The following LRIF1 variants were observed in gnomAD, a reference collection of about 807,000 sequenced individuals.
The protein encoded by LRIF1 is ligand dependent nuclear receptor interacting factor 1.
Under a neutral mutation model 52.7 loss-of-function variants are expected in LRIF1, and 32 were observed. The observed-to-expected ratio is 0.61, with a 90% confidence interval of 0.46 to 0.82. LRIF1 has a LOEUF of 0.82. LRIF1 is among the 40% of genes least tolerant of loss of function. The pLI is 0.00. For synonymous variants in LRIF1, 323 were observed against 317.4 expected (o/e 1.02, Z -0.19); for missense variants, 887 against 892.0 (o/e 0.99, Z 0.07).
the LRIF1 span, chr1:110,892,994 A>C: frequency 5.9e-6 from 1 of 170,734 alleles, no homozygotes; most frequent in Non-Finnish European, 1.3e-5. Flanking sequence ...TGCACAAGAT[A>C]CTCCGTAGAG....
chr1:110,901,496 T>TTA, the LRIF1 span, among the ~76,000 whole-genome samples: 2 of 141,868 alleles, frequency 1.4e-5, no homozygotes, highest in Non-Finnish European at 3.1e-5. Context: ...TTTTTTTTTT[T>TTA]AGACGGAGTC....
downstream of LRIF1, among the ~76,000 whole-genome samples, chr1:110,946,958 G>C (rs1388530543): frequency 5.9e-5 from 9 of 152,044 alleles, no homozygotes; most frequent in Non-Finnish European, 1.2e-4. Flanking sequence ...CACCCGGCCT[G>C]ATCATTTTTT....
chr1:110,898,104 G>A, the LRIF1 span, among the ~76,000 whole-genome samples: 429 of 152,240 alleles, frequency 2.8e-3, 2 homozygotes, highest in African/African-American at 9.9e-3. Context: ...TTGGCCGGGC[G>A]TGGTGGCTCA....
chr1:110,897,220 A>G, the LRIF1 span, among the ~76,000 whole-genome samples: 3 of 152,206 alleles, frequency 2.0e-5, no homozygotes, highest in Non-Finnish European at 2.9e-5. Context: ...AACCTGTCCA[A>G]TTAATTTGGA....
downstream of LRIF1, among the ~76,000 whole-genome samples, chr1:110,946,651 CTTTTTTTTTTTTT>C (rs1197301792): frequency 1.2e-5 from 1 of 80,858 alleles, no homozygotes; most frequent in Non-Finnish European, 2.3e-5. Context: ...AGATTTGATC[CTTTTTTTTTTTTT>C]TTTTTTTTTT....
At chr1:110,913,456 A>C in the LRIF1 span, among the ~76,000 whole-genome samples, 1 of 152,262 alleles carries the variant, frequency 6.6e-6, no homozygotes, top group African/African-American at 2.4e-5. Context: ...TAAATTAACA[A>C]GGAGAAAACA....
chr1:110,919,991 A>G, the LRIF1 span, among the ~76,000 whole-genome samples: 1 of 152,238 alleles, frequency 6.6e-6, no homozygotes, highest in Non-Finnish European at 1.5e-5. Context: ...AAACTAAGAC[A>G]ATGAGATATA....
the LRIF1 span, among the ~76,000 whole-genome samples, chr1:110,920,820 G>A: frequency 5.8e-3 from 882 of 152,280 alleles, 12 homozygotes; most frequent in African/African-American, 0.02. Flanking sequence ...TTTCCACTCC[G>A]TTTTGCTGTG....
the LRIF1 span, chr1:110,894,197 A>T: frequency 5.4e-6 from 4 of 738,662 alleles, no homozygotes; most frequent in Admixed American, 8.7e-5. Flanking sequence ...AAGAAGGCTT[A>T]CAACGGCCTG....
downstream of LRIF1, among the ~76,000 whole-genome samples, chr1:110,946,861 T>G (rs1356118042): frequency 6.6e-6 from 1 of 152,144 alleles, no homozygotes; most frequent in African/African-American, 2.4e-5. Flanking sequence ...TTCGCCATGT[T>G]GGCCAGGCTT....
chr1:110,959,736 CAAAAAAA>C (rs11320169), intron 1 of LRIF1, among the ~76,000 whole-genome samples: 2 of 56,350 alleles, frequency 3.5e-5, no homozygotes, highest in African/African-American at 8.1e-5. Context: ...GACTCCATCT[CAAAAAAA>C]AAAAAAAAAA....
At chr1:110,927,747 GA>G in the LRIF1 span, among the ~76,000 whole-genome samples, 1 of 152,060 alleles carries the variant, frequency 6.6e-6, no homozygotes, top group Non-Finnish European at 1.5e-5. Flanking sequence ...ACCCTAACTA[GA>G]AATATACAAA....
intron 2 of LRIF1, 83 bp downstream of exon 2, chr1:110,951,205 T>C: frequency 2.7e-6 from 3 of 1,103,824 alleles, no homozygotes; most frequent in South Asian, 3.2e-5. Flanking sequence ...GGGAAAGAGG[T>C]ATCATAGATA....
At chr1:110,904,732 C>A in the LRIF1 span, among the ~76,000 whole-genome samples, 2 of 152,094 alleles carry the variant, frequency 1.3e-5, no homozygotes, top group Non-Finnish European at 2.9e-5. Flanking sequence ...TGCTCGGACA[C>A]TAAAGGACAT....
At position 110,960,942 on chromosome 1, in the gene LRIF1, C is replaced by A. The variant is rs139020585; in HGVS notation, c.68+2679G>T. Among the ~76,000 whole-genome samples, 203 of 152,290 alleles carry A rather than the reference C, an allele frequency of 1.3e-3. 1 individual carries two copies. The highest frequency in any genetic ancestry group is 6.8e-3 in the Middle Eastern group (2 of 294). On this transcript the variant is annotated intron_variant, in intron 1 of 3. Coordinates refer to ENST00000369763, the MANE Select transcript of LRIF1 (RefSeq NM_018372.4). ...CAGTCTTTTTCTTAAAATACTCTGA[C>A]CTATTTCCAATAGATGAAGTCTAAT...
chr1:110,909,413 C>T, the LRIF1 span, among the ~76,000 whole-genome samples: 5 of 152,098 alleles, frequency 3.3e-5, no homozygotes, highest in African/African-American at 1.2e-4. Context: ...AAACACCCCA[C>T]TTAAAAGGCA....
At chr1:110,892,133 G>A in the LRIF1 span, among the ~76,000 whole-genome samples, 3 of 152,202 alleles carry the variant, frequency 2.0e-5, no homozygotes, top group East Asian at 5.8e-4. Flanking sequence ...TCTGGAGATG[G>A]GTAGGAAGAG....
chr1:110,961,674 T>C (rs1185599514), intron 1 of LRIF1, among the ~76,000 whole-genome samples: 4 of 152,116 alleles, frequency 2.6e-5, no homozygotes, highest in Non-Finnish European at 5.9e-5. Context: ...AAGAAAATCA[T>C]AGTCATTTAA....
At chr1:110,896,028 C>A in the LRIF1 span, among the ~76,000 whole-genome samples, 2 of 152,150 alleles carry the variant, frequency 1.3e-5, no homozygotes, top group Non-Finnish European at 2.9e-5. Context: ...AAGATCTTAA[C>A]AAGGCCTATG....
Sources: gnomAD v4.1 joint callset for allele counts (sites outside exome capture counted in the v4.1 genomes callset) on GRCh38, gnomAD v4.1.1 for gene constraint, MANE v1.5 for transcripts, NCBI Gene and HGNC (gene_info 2026-07-23, HGNC 2026-07-21) for gene names.